CTNND2: variants seen among roughly 807,000 people sequenced by gnomAD.
CTNND2 encodes the protein catenin delta 2.
Under a neutral mutation model 144.4 loss-of-function variants are expected in CTNND2, and 22 were observed. The ratio of observed to expected loss-of-function variants is 0.15; its 90% confidence interval spans 0.11 to 0.22. The LOEUF is 0.22. Ranked by LOEUF, CTNND2 falls within the 10% of genes least tolerant of loss-of-function variation. CTNND2 has a pLI of 1.00. For synonymous variants in CTNND2, 751 were observed against 695.6 expected (o/e 1.08, Z -1.25); for missense variants, 1,353 against 1,618.8 (o/e 0.84, Z 2.82).
intron 2 of CTNND2, among the ~76,000 whole-genome samples, chr5:11,588,316 GAA>G (rs146694655): frequency 3.0e-5 from 4 of 133,146 alleles, no homozygotes; most frequent in Non-Finnish European, 1.6e-5. Context: ...CGCATCGAAG[GAA>G]AAAAAAAAAA....
intron 18 of CTNND2, among the ~76,000 whole-genome samples, chr5:11,008,164 G>C (rs1256346101): frequency 6.6e-6 from 1 of 152,200 alleles, no homozygotes. Context: ...ATGTGAGAGG[G>C]AGTGGGAGAC....
At chr5:11,387,377 T>C (rs1201473504) in intron 6 of CTNND2, among the ~76,000 whole-genome samples, 1 of 152,060 alleles carries the variant, frequency 6.6e-6, no homozygotes, top group African/African-American at 2.4e-5. Flanking sequence ...TGGTCAAAGT[T>C]TGCCAACACT....
intron 1 of CTNND2, among the ~76,000 whole-genome samples, chr5:11,805,916 G>T (rs940803970): frequency 6.6e-6 from 1 of 152,128 alleles, no homozygotes; most frequent in Non-Finnish European, 1.5e-5. Context: ...TCAGCTAAGT[G>T]AGCAAGGTCA....
intron 2 of CTNND2, among the ~76,000 whole-genome samples, chr5:11,687,263 A>T (rs1784695597): frequency 6.6e-6 from 1 of 152,226 alleles, no homozygotes; most frequent in Non-Finnish European, 1.5e-5. Flanking sequence ...TTCTTCAATG[A>T]CTGTCACATG....
chr5:11,676,598 TA>T (rs747511362), intron 2 of CTNND2, among the ~76,000 whole-genome samples: 4,306 of 135,458 alleles, frequency 0.032, 94 homozygotes, highest in African/African-American at 0.073. Context: ...CGTAAAAAGT[TA>T]AAAAAAAAAA....
chr5:11,026,880 T>C (rs780906479), intron 16 of CTNND2, among the ~76,000 whole-genome samples: 2 of 152,144 alleles, frequency 1.3e-5, no homozygotes, highest in African/African-American at 4.8e-5. Context: ...GTTGAGGTAA[T>C]GCAGGGAAAC....
chr5:11,114,232 TC>T (rs1254758278), intron 13 of CTNND2, among the ~76,000 whole-genome samples: 1 of 152,214 alleles, frequency 6.6e-6, no homozygotes, highest in Non-Finnish European at 1.5e-5. Flanking sequence ...CTGTTCGTCT[TC>T]CCTGGAGGCA....
chr5:11,160,810 T>C (rs1758699609), intron 11 of CTNND2, among the ~76,000 whole-genome samples: 1 of 152,228 alleles, frequency 6.6e-6, no homozygotes, highest in African/African-American at 2.4e-5. Flanking sequence ...GTGTTATGAA[T>C]AGAACAAACA....
At chr5:11,316,611 A>G (rs1751526084) in intron 9 of CTNND2, among the ~76,000 whole-genome samples, 1 of 151,748 alleles carries the variant, frequency 6.6e-6, no homozygotes, top group Non-Finnish European at 1.5e-5. Flanking sequence ...ATTTAGCATT[A>G]GGTATATCTT....
At chr5:11,133,236 C>T (rs896480976) in intron 12 of CTNND2, among the ~76,000 whole-genome samples, 10 of 151,216 alleles carry the variant, frequency 6.6e-5, no homozygotes, top group African/African-American at 2.4e-4. Context: ...CTTTTTTTTT[C>T]CTGAAAGGGA....
chr5:11,787,932 T>C (rs1168525639), intron 1 of CTNND2, among the ~76,000 whole-genome samples: 1 of 152,220 alleles, frequency 6.6e-6, no homozygotes, highest in Non-Finnish European at 1.5e-5. Flanking sequence ...TAACACTGAC[T>C]TTCCAACAAA....
intron 10 of CTNND2, among the ~76,000 whole-genome samples, chr5:11,220,277 A>G (rs190614936): frequency 3.9e-5 from 6 of 152,346 alleles, no homozygotes; most frequent in Non-Finnish European, 1.5e-5. Context: ...GTGAAGAGGA[A>G]AGAAGGAAAC....
chr5:11,611,617 C>A (rs908390611), intron 2 of CTNND2, among the ~76,000 whole-genome samples: 2 of 152,020 alleles, frequency 1.3e-5, no homozygotes, highest in African/African-American at 2.4e-5. Context: ...GACTCTAATA[C>A]AAATACAAAA....
intron 3 of CTNND2, among the ~76,000 whole-genome samples, chr5:11,547,665 T>G (rs975515490): frequency 5.9e-5 from 9 of 152,198 alleles, no homozygotes; most frequent in Non-Finnish European, 1.0e-4. Context: ...TAAAAAGTGC[T>G]AATAATGCCT....
At chr5:11,227,610 A>T (rs1322334170) in intron 10 of CTNND2, among the ~76,000 whole-genome samples, 3 of 152,346 alleles carry the variant, frequency 2.0e-5, no homozygotes, top group Admixed American at 2.0e-4. Flanking sequence ...GAAATTATGA[A>T]GCACTTTAAG....
chr5:11,515,936 C>T (rs1452806918), intron 3 of CTNND2, among the ~76,000 whole-genome samples: 1 of 152,004 alleles, frequency 6.6e-6, no homozygotes, highest in Non-Finnish European at 1.5e-5. Context: ...CCCATCTCTA[C>T]TAAAAAGAAA....
At chr5:11,700,877 G>A (rs1192215367) in intron 2 of CTNND2, among the ~76,000 whole-genome samples, 2 of 152,184 alleles carry the variant, frequency 1.3e-5, no homozygotes, top group African/African-American at 4.8e-5. Flanking sequence ...TGAGGATTTG[G>A]GCTATAATAT....
At chr5:11,825,675 A>T (rs972104960) in intron 1 of CTNND2, among the ~76,000 whole-genome samples, 8 of 152,142 alleles carry the variant, frequency 5.3e-5, no homozygotes, top group Admixed American at 2.6e-4. Context: ...TAATAATATT[A>T]TTATTAATTT....
intron 11 of CTNND2, among the ~76,000 whole-genome samples, chr5:11,173,485 T>G (rs1465748092): frequency 6.6e-6 from 1 of 152,224 alleles, no homozygotes; most frequent in Admixed American, 6.5e-5. Flanking sequence ...TTTCATGTCC[T>G]GTGGAAACCT....
Sources: allele counts gnomAD v4.1 joint callset (sites outside exome capture counted in the v4.1 genomes callset), GRCh38; gene constraint gnomAD v4.1.1; transcripts MANE v1.5; gene names NCBI Gene and HGNC (gene_info 2026-07-23, HGNC 2026-07-21).